Variants in RRAGD observed in about 807,000 individuals in gnomAD.
RRAGD encodes the protein Ras related GTP binding D.
RRAGD carries 12 observed loss-of-function variants against 35.5 expected under a neutral mutation model. The ratio of observed to expected loss-of-function variants is 0.34; its 90% confidence interval spans 0.22 to 0.55. The LOEUF (loss-of-function observed/expected upper bound fraction) is 0.55. Among genes scored for constraint, RRAGD ranks in the 20% least tolerant of loss-of-function variants. The pLI, the probability that RRAGD is intolerant of heterozygous loss-of-function variation, is 0.91. For synonymous variants in RRAGD, 155 were observed against 178.9 expected (o/e 0.87, Z 1.07); for missense variants, 324 against 490.1 (o/e 0.66, Z 3.20).
chr6:89,387,831 C>T (rs1769162131), intron 1 of RRAGD, among the ~76,000 whole-genome samples: 1 of 152,086 alleles, frequency 6.6e-6, no homozygotes, highest in East Asian at 1.9e-4. Flanking sequence ...GTGCAAAACA[C>T]TCAACAATAG....
chr6:89,386,274 A>C (rs908760920), intron 2 of RRAGD, among the ~76,000 whole-genome samples: 1 of 152,144 alleles, frequency 6.6e-6, no homozygotes, highest in African/African-American at 2.4e-5. Flanking sequence ...CCTGCTGCAC[A>C]TCCCCTTCCT....
Position 89,387,454 on chromosome 6 carries a change from C to T in RRAGD, c.285G>A (p.Glu95=), listed in dbSNP as rs1187044973. 6.2e-7 allele frequency: 1 copy of T among 1,614,186 alleles called. No individual in the cohort carries two copies. The highest frequency in any genetic ancestry group is 1.7e-5 in the Admixed American group (1 of 60,020). ...KMSPNETLFL[E]STNKICREDV... is the part of the protein sequence containing the mutation. The stretch of plus-strand genomic sequence containing the variant: ...CTTCCCGGCATATCTTATTAGTGCT[C>T]TCCAAGAACAGAGTTTCGTTGGGAG... Residue 95 remains glutamate, a synonymous_variant, in exon 2 of 7, where the codon GAG becomes GAA. Transcript: ENST00000369415.
chr6:89,396,983 C>T (rs1769348052), intron 1 of RRAGD, among the ~76,000 whole-genome samples: 1 of 152,004 alleles, frequency 6.6e-6, no homozygotes, highest in Non-Finnish European at 1.5e-5. Flanking sequence ...TCAAGTGATC[C>T]ACCCACCTCG....
Position 89,367,889 on chromosome 6 carries a change from A to C in RRAGD, c.*167T>G. ...TACAAGTTTTTGCTTCAAAGTGCTT[A>C]CTTTATTTATAAAAGAGAAGATCAA... On this transcript the variant is annotated 3_prime_UTR_variant, in exon 7 of 7. Transcript: ENST00000369415. 1 of 518,404 alleles carries C rather than the reference A, an allele frequency of 1.9e-6. No individual in the cohort carries two copies. The highest frequency in any genetic ancestry group is 3.8e-5 in the Admixed American group (1 of 26,008). 32.1% of individuals were successfully genotyped at this position (518,404 alleles called of 1,614,324 possible). A position where few individuals can be genotyped will look rare whatever the true frequency, so the allele number is the denominator to read the frequency against.
chr6:89,386,309 G>T (rs571313841), intron 2 of RRAGD, among the ~76,000 whole-genome samples: 4 of 152,296 alleles, frequency 2.6e-5, no homozygotes, highest in African/African-American at 7.2e-5. Flanking sequence ...TGACACACTT[G>T]TGGTCCTACT....
At chr6:89,400,595 TAA>T (rs11447080) in intron 1 of RRAGD, among the ~76,000 whole-genome samples, 18 of 138,066 alleles carry the variant, frequency 1.3e-4, no homozygotes, top group Admixed American at 1.4e-4. Context: ...GGACAGGCAC[TAA>T]AAAAAAAAAA....
chr6:89,380,779 C>T (rs570127601), intron 2 of RRAGD, among the ~76,000 whole-genome samples: 2 of 152,028 alleles, frequency 1.3e-5, no homozygotes, highest in Non-Finnish European at 2.9e-5. Flanking sequence ...TGGTGGCATG[C>T]GCCTGTAGTC....
chr6:89,405,671 T>C (rs1053739594), intron 1 of RRAGD, among the ~76,000 whole-genome samples: 16 of 152,184 alleles, frequency 1.1e-4, no homozygotes, highest in African/African-American at 2.4e-4. Context: ...AATGTGACTA[T>C]AGTAAGAGGC....
chr6:89,412,087 G>T lies in RRAGD; in HGVS notation c.-94C>A. ...CCGCCCGCAGCCTATTTCTGAAGCG[G>T]AGGTTTGTCTAGAGCTCAGCGGGGC... On this transcript the variant is annotated 5_prime_UTR_variant, in exon 1 of 7. Transcript: ENST00000369415. This position sits in a 1 kb window ranked among gnomAD's most constrained non-coding sequence, Gnocchi z 4.2. 7.5e-7 allele frequency: 1 copy of T among 1,327,452 alleles called. No individual in the cohort carries two copies. The highest frequency in any genetic ancestry group is 1.0e-6 in the Non-Finnish European group (1 of 1,004,464). 82.2% of individuals were successfully genotyped at this position (1,327,452 alleles called of 1,614,324 possible). A position where few individuals can be genotyped will look rare whatever the true frequency, so the allele number is the denominator to read the frequency against.
At chr6:89,368,848 G>C (rs1272287692) in intron 6 of RRAGD, among the ~76,000 whole-genome samples, 1 of 152,086 alleles carries the variant, frequency 6.6e-6, no homozygotes, top group Non-Finnish European at 1.5e-5. Flanking sequence ...ATGTATCAGT[G>C]ACACAAAAAA....
At chr6:89,368,308 G>T in intron 6 of RRAGD, 101 bp from the exon 7 acceptor site, 1 of 1,042,848 alleles carries the variant, frequency 9.6e-7, no homozygotes, top group Non-Finnish European at 1.4e-6. Flanking sequence ...GGCAGTAGAG[G>T]ATGGTCTTAG....
At chr6:89,374,949 A>C (rs1218745909) in intron 5 of RRAGD, among the ~76,000 whole-genome samples, 2 of 152,226 alleles carry the variant, frequency 1.3e-5, no homozygotes, top group African/African-American at 4.8e-5. Context: ...TTCTGAGAAC[A>C]AGAAACTGAA....
intron 1 of RRAGD, among the ~76,000 whole-genome samples, chr6:89,401,671 T>C (rs1184376608): frequency 6.6e-6 from 1 of 152,174 alleles, no homozygotes; most frequent in Non-Finnish European, 1.5e-5. Flanking sequence ...AGAAGGTTCC[T>C]CAGCTCAGGA....
intron 2 of RRAGD, among the ~76,000 whole-genome samples, chr6:89,384,613 G>A (rs991760269): frequency 4.6e-5 from 7 of 152,028 alleles, no homozygotes; most frequent in African/African-American, 9.7e-5. Flanking sequence ...TCAAGAGATC[G>A]AGACCATCCT....
chr6:89,369,644 A>G (rs1432201204), intron 6 of RRAGD, among the ~76,000 whole-genome samples: 1 of 152,088 alleles, frequency 6.6e-6, no homozygotes, highest in Admixed American at 6.5e-5. Flanking sequence ...GGCTCAAGCA[A>G]TCCTTCCACT....
In RRAGD at chr6:89,365,196, A is replaced by T. The variant is rs574102416; in HGVS notation, c.*2860T>A. The T allele has an allele frequency of 1.3e-5, 2 of 152,304 alleles. No individual in the cohort carries two copies. Among genetic ancestry groups the T allele is most frequent in the East Asian group, 3.9e-4 (2 of 5,190 alleles). The allele number at this position is 152,304 out of a possible 1,614,324, so 9.4% of individuals were successfully genotyped here. A position where few individuals can be genotyped will look rare whatever the true frequency, so the allele number is the denominator to read the frequency against. On this transcript the variant is annotated 3_prime_UTR_variant, in exon 7 of 7. Transcript: ENST00000369415. ...GTTTTTGCTTTATATTCCTTCAAAA[A>T]CATTCCACCCTGGTCATTCACACTA...
At chr6:89,408,593 C>A (rs1485308289) in intron 1 of RRAGD, among the ~76,000 whole-genome samples, 3 of 152,136 alleles carry the variant, frequency 2.0e-5, no homozygotes, top group Non-Finnish European at 2.9e-5. Flanking sequence ...ATCTTTCATG[C>A]CTCCAGAAAC....
intron 1 of RRAGD, among the ~76,000 whole-genome samples, chr6:89,394,713 T>A (rs992885375): frequency 4.6e-5 from 7 of 152,126 alleles, no homozygotes; most frequent in Non-Finnish European, 8.8e-5. Flanking sequence ...GTATTTTTTT[T>A]AATTTAAGGA....
At chr6:89,405,958 C>T (rs1309681891) in intron 1 of RRAGD, among the ~76,000 whole-genome samples, 1 of 152,108 alleles carries the variant, frequency 6.6e-6, no homozygotes, top group Non-Finnish European at 1.5e-5. Flanking sequence ...ATGCAAAAAT[C>T]ACGAAGATTC....
Sources: allele counts gnomAD v4.1 joint callset (sites outside exome capture counted in the v4.1 genomes callset), GRCh38; gene constraint gnomAD v4.1.1; non-coding constraint Gnocchi (gnomAD v3.1); transcripts MANE v1.5; gene names NCBI Gene and HGNC (gene_info 2026-07-23, HGNC 2026-07-21).